ANO1: variants seen among roughly 807,000 people sequenced by gnomAD.
ANO1 encodes anoctamin 1, also known as anoctamin-1.
A neutral mutation model predicts 124.0 loss-of-function variants in ANO1; 59 were observed. That is an observed-to-expected ratio of 0.48 (90% CI 0.39 to 0.59). The LOEUF (loss-of-function observed/expected upper bound fraction) is 0.59. Among genes scored for constraint, ANO1 ranks in the 20% least tolerant of loss-of-function variants. The pLI is 0.00. For synonymous variants in ANO1, 529 were observed against 532.0 expected, an observed-to-expected ratio of 0.99 and a Z score of 0.08; for missense variants, 1,059 against 1,328.0, an observed-to-expected ratio of 0.80 and a Z score of 3.15.
At chr11:70,027,090 T>C (rs1856921322) in intron 1 of ANO1, among the ~76,000 whole-genome samples, 1 of 152,210 alleles carries the variant, frequency 6.6e-6, no homozygotes, top group Admixed American at 6.5e-5. Flanking sequence ...CTGGACACTT[T>C]CTATGCACTT....
intron 11 of ANO1, among the ~76,000 whole-genome samples, chr11:70,138,647 T>A (rs2047039056): frequency 6.6e-6 from 1 of 152,220 alleles, no homozygotes; most frequent in Non-Finnish European, 1.5e-5. Flanking sequence ...TGACCCCATC[T>A]GGCAGATGAA....
At chr11:69,979,740 AG>A in the ANO1 span, among the ~76,000 whole-genome samples, 2 of 152,190 alleles carry the variant, frequency 1.3e-5, no homozygotes, top group African/African-American at 4.8e-5. Context: ...AAACACTTTT[AG>A]GGGCAAAGGG....
intron 22 of ANO1, among the ~76,000 whole-genome samples, chr11:70,175,671 A>C (rs1008479802): frequency 1.3e-5 from 2 of 152,240 alleles, no homozygotes; most frequent in Non-Finnish European, 2.9e-5. Flanking sequence ...CGGGCACTGC[A>C]TGTGGGCAGG....
upstream of ANO1, among the ~76,000 whole-genome samples, chr11:70,076,492 G>A (rs115995847): frequency 3.1e-3 from 470 of 151,830 alleles, 3 homozygotes; most frequent in African/African-American, 0.011. Flanking sequence ...GTTGGCACTC[G>A]AACACAAATT....
In ANO1 at chr11:70,125,926, C is replaced by A. The variant is rs2046493411; in HGVS notation, c.963-135C>A. 6 of 1,111,402 alleles carry A rather than the reference C, an allele frequency of 5.4e-6. No individual in the cohort carries two copies. The East Asian group carries it at 1.3e-4, about 24-fold the overall frequency. 68.8% of individuals were successfully genotyped at this position (1,111,402 alleles called of 1,614,324 possible). A position where few individuals can be genotyped will look rare whatever the true frequency, so the allele number is the denominator to read the frequency against. On this transcript the variant is annotated intron_variant, in intron 9 of 25. Transcript: ENST00000355303. ...CCAACCTGATGGGGCGGCCCAGGAC[C>A]CCACTCTCTGCTTCTGGGATGAGGG... is the stretch of plus-strand genomic sequence containing the variant.
upstream of ANO1, among the ~76,000 whole-genome samples, chr11:69,984,402 C>A (rs1855988755): frequency 9.4e-6 from 1 of 106,328 alleles, no homozygotes. Context: ...ATTTCTGAGT[C>A]CGGACTGAAA....
upstream of ANO1, among the ~76,000 whole-genome samples, chr11:69,985,122 T>C (rs782118387): frequency 6.6e-6 from 1 of 152,174 alleles, no homozygotes; most frequent in Non-Finnish European, 1.5e-5. Flanking sequence ...CCCGGCTTCC[T>C]GCCCTGAGCC....
chr11:70,039,705 A>G (rs1455770948), intron 1 of ANO1, among the ~76,000 whole-genome samples: 1 of 152,092 alleles, frequency 6.6e-6, no homozygotes, highest in Non-Finnish European at 1.5e-5. Flanking sequence ...TGATTCTGGA[A>G]GAGGGCGTCC....
intron 1 of ANO1, among the ~76,000 whole-genome samples, chr11:70,083,140 T>C (rs932808448): frequency 2.0e-5 from 3 of 152,176 alleles, no homozygotes; most frequent in African/African-American, 4.8e-5. Context: ...AGATTTTTTT[T>C]CCCCTGTCCT....
At chr11:70,136,973 C>G (rs2046977889) in intron 11 of ANO1, among the ~76,000 whole-genome samples, 1 of 146,930 alleles carries the variant, frequency 6.8e-6, no homozygotes, top group Non-Finnish European at 1.5e-5. Flanking sequence ...GTGAGCGCCC[C>G]GTGCTGGGAA....
intron 1 of ANO1, among the ~76,000 whole-genome samples, chr11:70,042,679 G>A (rs1555005196): frequency 6.6e-6 from 1 of 152,218 alleles, no homozygotes; most frequent in Non-Finnish European, 1.5e-5. Flanking sequence ...AGTAGATTCA[G>A]CACTTCTGAG....
At chr11:70,100,138 C>T (rs1163585539) in intron 2 of ANO1, among the ~76,000 whole-genome samples, 1 of 152,156 alleles carries the variant, frequency 6.6e-6, no homozygotes, top group African/African-American at 2.4e-5. Context: ...TTCAGGCCCC[C>T]GCTCCTGGGT....
At chr11:70,045,202 G>A (rs781895559) in intron 1 of ANO1, among the ~76,000 whole-genome samples, 5 of 152,190 alleles carry the variant, frequency 3.3e-5, no homozygotes, top group South Asian at 2.1e-4. Flanking sequence ...TTCCTTGTGC[G>A]ATCTTGGCAA....
intron 9 of ANO1, among the ~76,000 whole-genome samples, chr11:70,124,958 G>T (rs1292237013): frequency 2.0e-5 from 3 of 152,220 alleles, no homozygotes; most frequent in African/African-American, 7.2e-5. Context: ...ACAGGGCTTG[G>T]AATGGAGCCC....
At chr11:70,007,603 A>G (rs773362956) in intron 1 of ANO1, among the ~76,000 whole-genome samples, 1 of 152,116 alleles carries the variant, frequency 6.6e-6, no homozygotes, top group Non-Finnish European at 1.5e-5. Flanking sequence ...TTAAGGCTTA[A>G]CAATATCTCA....
At chr11:70,121,007 C>A (rs1403984173) in intron 8 of ANO1, among the ~76,000 whole-genome samples, 5 of 152,184 alleles carry the variant, frequency 3.3e-5, no homozygotes, top group African/African-American at 1.2e-4. Context: ...ACTGATGTCG[C>A]CTCTTGGCAG....
At chr11:70,167,114 T>C in intron 20 of ANO1, 128 bp from the exon 21 acceptor site, 1 of 1,270,100 alleles carries the variant, frequency 7.9e-7, no homozygotes, top group Non-Finnish European at 1.1e-6. Flanking sequence ...GCCACTGCAC[T>C]CCAGCCTGAG....
In ANO1 at chr11:70,088,100, C is replaced by T. The variant is rs1351075386; in HGVS notation, c.441+16C>T. On this transcript the variant is annotated intron_variant, in intron 2 of 25. Coordinates refer to ENST00000355303, the MANE Select transcript of ANO1 (RefSeq NM_018043.7). ...GGACGAGGACGTAACTATCTCACTG[C>T]GCGCTGTTTGTGGGGGGTGGGGGGT... The T allele has an allele frequency of 2.5e-6, 3 of 1,185,904 alleles. No individual in the cohort carries two copies. Among genetic ancestry groups the T allele is most frequent in the Admixed American group, 1.2e-4 (2 of 16,264 alleles). The allele number at this position is 1,185,904 out of a possible 1,614,324, so 73.5% of individuals were successfully genotyped here.
intron 2 of ANO1, among the ~76,000 whole-genome samples, chr11:70,093,358 G>T (rs887136734): frequency 2.0e-5 from 3 of 148,220 alleles, no homozygotes; most frequent in African/African-American, 7.6e-5. Flanking sequence ...GACAGCCATG[G>T]GGTCAGCTTT....
Sources: gnomAD v4.1 joint callset for allele counts (sites outside exome capture counted in the v4.1 genomes callset) on GRCh38, gnomAD v4.1.1 for gene constraint, MANE v1.5 for transcripts, NCBI Gene and HGNC (gene_info 2026-07-23, HGNC 2026-07-21) for gene names.